Variants in TMEM230 observed in about 807,000 individuals in gnomAD.
TMEM230 encodes the protein transmembrane protein 230.
TMEM230 carries 10 observed loss-of-function variants against 15.8 expected under a neutral mutation model. That is an observed-to-expected ratio of 0.63 (90% CI 0.39 to 1.07). The LOEUF (loss-of-function observed/expected upper bound fraction) is 1.07. TMEM230 is among the 50% of genes least tolerant of loss of function. The probability of loss-of-function intolerance (pLI) is 0.01; values close to 1 mark genes in which losing one functional copy is unlikely to be tolerated. For synonymous variants in TMEM230, 67 were observed against 76.9 expected (o/e 0.87, Z 0.68); for missense variants, 165 against 193.3 (o/e 0.85, Z 0.87).
intron 1 of TMEM230, 119 bp downstream of exon 1, chr20:5,112,842 G>A: frequency 6.5e-7 from 1 of 1,541,454 alleles, no homozygotes; most frequent in Non-Finnish European, 8.7e-7. Context: ...CTGTGCCAGG[G>A]GGGACGAATG....
the TMEM230 span, among the ~76,000 whole-genome samples, chr20:5,062,688 G>A: frequency 1.2e-4 from 19 of 152,082 alleles, no homozygotes; most frequent in African/African-American, 3.9e-4. Context: ...ACTTGAGCCC[G>A]GGAGTTCAAG....
intron 3 of TMEM230, among the ~76,000 whole-genome samples, chr20:5,087,432 A>G (rs1397531052): frequency 1.3e-5 from 2 of 151,848 alleles, no homozygotes; most frequent in African/African-American, 4.8e-5. Context: ...TGATGAGCTG[A>G]GAGTGAAGAG....
At chr20:5,078,600 G>T (rs2089077329) in intron 3 of TMEM230, among the ~76,000 whole-genome samples, 1 of 152,146 alleles carries the variant, frequency 6.6e-6, no homozygotes, top group Non-Finnish European at 1.5e-5. Flanking sequence ...GGGCTCTGTT[G>T]TGCATCACGA....
downstream of TMEM230, among the ~76,000 whole-genome samples, chr20:5,097,172 G>C (rs2122691501): frequency 6.6e-6 from 1 of 152,298 alleles, no homozygotes; most frequent in East Asian, 1.9e-4. Context: ...ACATGTGGCT[G>C]CTAGTTTGCA....
intron 3 of TMEM230, among the ~76,000 whole-genome samples, chr20:5,079,602 C>A (rs1193909211): frequency 6.6e-6 from 1 of 152,158 alleles, no homozygotes; most frequent in East Asian, 1.9e-4. Context: ...ATCTTCCCAC[C>A]TCAGCTGGGA....
intron 4 of TMEM230, among the ~76,000 whole-genome samples, chr20:5,105,577 AAAAT>A (rs1285339903): frequency 1.3e-5 from 2 of 152,104 alleles, no homozygotes; most frequent in African/African-American, 2.4e-5. Flanking sequence ...ACTCTGTCTC[AAAAT>A]AAATAAATAA....
In TMEM230 at chr20:5,072,090, G is replaced by A. The variant is rs139600876; in HGVS notation, c.223-2741C>T. 3.2e-3 allele frequency among the ~76,000 whole-genome samples: 482 copies of A among 151,056 alleles called. 2 individuals are homozygous for A. The highest frequency in any genetic ancestry group is 0.011 in the African/African-American group (442 of 41,172). ...GTTGAAGATAGGGTCTCACTCTGTC[G>A]CCCAGGCTGGAGTGCAGTGGCACCA... On this transcript the variant is annotated intron_variant, in intron 3 of 3. Coordinates refer to the TMEM230 transcript ENST00000612323.
intron 3 of TMEM230, among the ~76,000 whole-genome samples, chr20:5,073,713 C>A (rs1455639701): frequency 6.6e-6 from 1 of 152,212 alleles, no homozygotes; most frequent in Non-Finnish European, 1.5e-5. Context: ...CTTAGACTGT[C>A]CTCCTTGAAG....
chr20:5,087,495 G>C (rs1168328698), intron 3 of TMEM230, among the ~76,000 whole-genome samples: 2 of 150,030 alleles, frequency 1.3e-5, no homozygotes, highest in Non-Finnish European at 2.9e-5. Flanking sequence ...AGGAGTAAGA[G>C]GACATATTTT....
At chr20:5,104,528 C>T (rs2089994172) in intron 4 of TMEM230, among the ~76,000 whole-genome samples, 1 of 152,050 alleles carries the variant, frequency 6.6e-6, no homozygotes, top group Non-Finnish European at 1.5e-5. Flanking sequence ...AGGTATATAC[C>T]CAAAAGAAAG....
chr20:5,064,696 T>C (rs1057461876), downstream of TMEM230, among the ~76,000 whole-genome samples: 19 of 151,670 alleles, frequency 1.3e-4, no homozygotes, highest in African/African-American at 4.6e-4. Flanking sequence ...AAAACAAAAA[T>C]AAATCAAATG....
intron 4 of TMEM230, among the ~76,000 whole-genome samples, chr20:5,101,149 C>T (rs2089845205): frequency 6.6e-6 from 1 of 152,140 alleles, no homozygotes; most frequent in Non-Finnish European, 1.5e-5. Context: ...CATTCTCATC[C>T]AGATATTTTG....
Position 5,112,990 on chromosome 20 carries a change from C to T in TMEM230, c.39G>A (p.Trp13Ter), listed in dbSNP as rs1259954392. ...GCGCCGCGCCAGGCCGCCCGCACAC[C>T]CAGAGCTCGCCCACGGTTGGCAGCG... The change falls in exon 1 of 5, where the codon TGG (tryptophan) becomes TGA (stop). Residue 13 changes from tryptophan to a stop codon, truncating the protein, a stop_gained. It introduces an in-frame stop codon into an upstream open reading frame of the 5' UTR. Transcript: ENST00000342308. LOFTEE classifies it high-confidence loss of function. The T allele has an allele frequency of 5.2e-6, 8 of 1,550,842 alleles. 1 individual carries two copies. The South Asian group carries it at 9.5e-5, about 18-fold the overall frequency.
At chr20:5,063,798 A>G (rs866806050), downstream of TMEM230, among the ~76,000 whole-genome samples, 1 of 109,440 alleles carries the variant, frequency 9.1e-6, no homozygotes, top group Non-Finnish European at 1.8e-5. Context: ...AAATTATCCC[A>G]AAATTTGTTA....
downstream of TMEM230, chr20:5,067,335 G>C (rs139935769): frequency 6.7e-6 from 1 of 149,024 alleles, no homozygotes; most frequent in Non-Finnish European, 1.5e-5. Context: ...TTCTGCAGTG[G>C]GAACATGTCA....
chr20:5,067,459 A>ATATG (rs1379712330), downstream of TMEM230: 15 of 126,866 alleles, frequency 1.2e-4, no homozygotes, highest in African/African-American at 4.3e-4. Flanking sequence ...ATATATATAT[A>ATATG]TTTTAAGACA....
At chr20:5,098,637 CCT>C (rs2089736522), downstream of TMEM230, among the ~76,000 whole-genome samples, 1 of 152,118 alleles carries the variant, frequency 6.6e-6, no homozygotes, top group African/African-American at 2.4e-5. Flanking sequence ...AAAGGTCATT[CCT>C]CAGGGGACTC....
downstream of TMEM230, among the ~76,000 whole-genome samples, chr20:5,067,738 G>T (rs531285223): frequency 1.2e-3 from 166 of 140,878 alleles, no homozygotes; most frequent in South Asian, 2.1e-3. Context: ...ACCACACCCG[G>T]CCTCCCCACC....
chr20:5,090,787 C>T (rs141945440), intron 3 of TMEM230, among the ~76,000 whole-genome samples: 11 of 152,058 alleles, frequency 7.2e-5, no homozygotes, highest in South Asian at 2.1e-4. Context: ...CACGTGTCTG[C>T]GATGAAGGAT....
Sources: gnomAD v4.1 joint callset for allele counts (sites outside exome capture counted in the v4.1 genomes callset) on GRCh38, gnomAD v4.1.1 for gene constraint, MANE v1.5 for transcripts, NCBI Gene and HGNC (gene_info 2026-07-23, HGNC 2026-07-21) for gene names.